FHIP1A: variants seen among roughly 807,000 people sequenced by gnomAD.
FHIP1A encodes the protein FHF complex subunit HOOK-interacting protein 1A.
FHIP1A carries 61 observed loss-of-function variants against 88.6 expected under a neutral mutation model. That is an observed-to-expected ratio of 0.69 (90% CI 0.56 to 0.85). The LOEUF (loss-of-function observed/expected upper bound fraction) is 0.85. Ranked by LOEUF, FHIP1A falls within the 40% of genes least tolerant of loss-of-function variation. The probability of loss-of-function intolerance (pLI) is 0.00; values close to 1 mark genes in which losing one functional copy is unlikely to be tolerated. For missense variants in FHIP1A, 1,154 were observed against 1,273.5 expected (o/e 0.91, Z 1.43); for synonymous variants, 478 against 496.0 (o/e 0.96, Z 0.48).
rs1362587836 is a variant in FHIP1A at position 151,529,251 on chromosome 4, A to G, written c.-122-36887A>G. On this transcript the variant is annotated intron_variant, in intron 3 of 13. Coordinates refer to ENST00000435205, the MANE Select transcript of FHIP1A (RefSeq NM_001109977.3). ...AAAAAGGAATAGCTAGGCTTCAGGA[A>G]GGGCAAGGGCTGAGGAGAGCTAGTC... is the stretch of plus-strand genomic sequence containing the variant. 3.3e-5 allele frequency among the ~76,000 whole-genome samples: 5 copies of G among 152,264 alleles called. No homozygotes were observed. In the East Asian group the frequency reaches 9.7e-4, roughly 29 times the overall value.
At position 151,663,556 on chromosome 4, in the gene FHIP1A, T is replaced by C. The variant is rs536371663; in HGVS notation, c.*802T>C. On this transcript the variant is annotated 3_prime_UTR_variant, in exon 14 of 14. Coordinates refer to ENST00000435205, the MANE Select transcript of FHIP1A (RefSeq NM_001109977.3). ...GGAGTTTGATCAGATGAAGAAGTAA[T>C]GGTATCACATATATATGTAAGAAGA... 1.7e-4 allele frequency: 26 copies of C among 152,210 alleles called. No individual in the cohort carries two copies. Among genetic ancestry groups the C allele is most frequent in the Non-Finnish European group, 3.1e-4 (21 of 68,032 alleles). 9.4% of individuals were successfully genotyped at this position (152,210 alleles called of 1,614,324 possible). A position where few individuals can be genotyped will look rare whatever the true frequency, so the allele number is the denominator to read the frequency against.
At chr4:151,601,896 G>A (rs994242365) in intron 7 of FHIP1A, among the ~76,000 whole-genome samples, 20 of 151,862 alleles carry the variant, frequency 1.3e-4, no homozygotes, top group African/African-American at 4.6e-4. Flanking sequence ...TACATGGGTG[G>A]GGAGGCCTCA....
intron 3 of FHIP1A, among the ~76,000 whole-genome samples, chr4:151,564,866 C>T (rs11946622): frequency 0.27 from 40,603 of 151,990 alleles, 6,058 homozygotes; most frequent in Non-Finnish European, 0.33. Flanking sequence ...CTTTTCATGT[C>T]GAATGGTTGC....
chr4:151,412,942 C>A (rs2126503683), intron 1 of FHIP1A, among the ~76,000 whole-genome samples: 1 of 152,038 alleles, frequency 6.6e-6, no homozygotes, highest in East Asian at 1.9e-4. Context: ...CCTTGGCCTC[C>A]CAAAGTGCTG....
chr4:151,585,641 G>GA (rs1734183162), intron 5 of FHIP1A, among the ~76,000 whole-genome samples: 4 of 152,094 alleles, frequency 2.6e-5, no homozygotes, highest in African/African-American at 9.7e-5. Flanking sequence ...TATTCCACAA[G>GA]GTAAAATCAA....
At chr4:151,501,745 G>T (rs1343283665) in intron 3 of FHIP1A, among the ~76,000 whole-genome samples, 1 of 148,360 alleles carries the variant, frequency 6.7e-6, no homozygotes, top group Non-Finnish European at 1.5e-5. Context: ...TCTATTCAAG[G>T]TCCTTTGCTT....
intron 4 of FHIP1A, among the ~76,000 whole-genome samples, chr4:151,574,872 A>T (rs1392046623): frequency 6.6e-6 from 1 of 151,980 alleles, no homozygotes; most frequent in East Asian, 1.9e-4. Context: ...ACATATTTTG[A>T]TTCTAATTCT....
intron 7 of FHIP1A, among the ~76,000 whole-genome samples, chr4:151,619,490 T>G (rs1235214436): frequency 4.6e-5 from 7 of 152,214 alleles, no homozygotes; most frequent in Non-Finnish European, 7.3e-5. Context: ...TTAGTAATGG[T>G]GAGTACTAGA....
intron 1 of FHIP1A, among the ~76,000 whole-genome samples, chr4:151,419,032 A>G (rs1218166201): frequency 1.3e-5 from 2 of 152,152 alleles, no homozygotes; most frequent in Non-Finnish European, 1.5e-5. Flanking sequence ...TCAAGGCGTG[A>G]TGGTTAATTA....
At chr4:151,546,258 C>A (rs1318707107) in intron 3 of FHIP1A, among the ~76,000 whole-genome samples, 1 of 152,196 alleles carries the variant, frequency 6.6e-6, no homozygotes, top group Non-Finnish European at 1.5e-5. Flanking sequence ...TACCAGCAGC[C>A]CCCACTACCT....
chr4:151,414,887 AAAC>A (rs1349602254), intron 1 of FHIP1A, among the ~76,000 whole-genome samples: 1 of 152,196 alleles, frequency 6.6e-6, no homozygotes, highest in Admixed American at 6.5e-5. Flanking sequence ...TTCAAATTCT[AAAC>A]AATATAGAAA....
chr4:151,424,763 T>C (rs529423644), intron 1 of FHIP1A, among the ~76,000 whole-genome samples: 21 of 151,166 alleles, frequency 1.4e-4, no homozygotes, highest in Admixed American at 9.2e-4. Context: ...CCTGGTACTA[T>C]CTTAAAAACT....
At chr4:151,637,945 C>T (rs1217104686) in intron 8 of FHIP1A, among the ~76,000 whole-genome samples, 1 of 152,124 alleles carries the variant, frequency 6.6e-6, no homozygotes, top group Non-Finnish European at 1.5e-5. Flanking sequence ...AGAATGAGAG[C>T]TTAAAATTAC....
intron 3 of FHIP1A, among the ~76,000 whole-genome samples, chr4:151,500,727 A>G (rs1730620903): frequency 6.6e-6 from 1 of 152,218 alleles, no homozygotes; most frequent in South Asian, 2.1e-4. Flanking sequence ...TAATCTAGCC[A>G]AAGATATTTT....
At chr4:151,517,807 A>G (rs1731300733) in intron 3 of FHIP1A, among the ~76,000 whole-genome samples, 1 of 152,156 alleles carries the variant, frequency 6.6e-6, no homozygotes. Context: ...AAATAAATAA[A>G]AAACATTAAA....
chr4:151,446,447 C>CTTCCT (rs201047565), intron 1 of FHIP1A, among the ~76,000 whole-genome samples: 88 of 148,120 alleles, frequency 5.9e-4, no homozygotes, highest in African/African-American at 1.9e-3. Context: ...GGATTTCTTT[C>CTTCCT]TTCCTTTCCT....
At chr4:151,576,267 G>T (rs1733787517) in intron 4 of FHIP1A, among the ~76,000 whole-genome samples, 1 of 152,108 alleles carries the variant, frequency 6.6e-6, no homozygotes, top group African/African-American at 2.4e-5. Flanking sequence ...TGTTAATTGA[G>T]TTTTTTGTGG....
chr4:151,577,323 T>A, intron 4 of FHIP1A, 127 bp from the exon 5 acceptor site: 1 of 758,218 alleles, frequency 1.3e-6, no homozygotes, highest in Non-Finnish European at 2.1e-6. Context: ...ACACACACAA[T>A]GCCCACACAT....
intron 2 of FHIP1A, among the ~76,000 whole-genome samples, chr4:151,457,949 C>A (rs968410761): frequency 6.6e-6 from 1 of 152,156 alleles, no homozygotes; most frequent in Non-Finnish European, 1.5e-5. Context: ...TGAAGCCTAC[C>A]AGTTTATGGT....
Sources: allele counts gnomAD v4.1 joint callset (sites outside exome capture counted in the v4.1 genomes callset), GRCh38; gene constraint gnomAD v4.1.1; transcripts MANE v1.5; gene names NCBI Gene and HGNC (gene_info 2026-07-23, HGNC 2026-07-21).